Variants in TRAPPC9 observed in about 807,000 individuals in gnomAD.
TRAPPC9 encodes IKK2 binding protein.
TRAPPC9 carries 83 observed loss-of-function variants against 124.0 expected under a neutral mutation model. The observed-to-expected ratio is 0.67, with a 90% CI of 0.56 to 0.80. TRAPPC9 has a LOEUF of 0.80. TRAPPC9 is among the 30% of genes least tolerant of loss of function. The probability of loss-of-function intolerance (pLI) is 0.00; values close to 1 mark genes in which losing one functional copy is unlikely to be tolerated. For synonymous variants in TRAPPC9, 638 were observed against 617.5 expected (o/e 1.03, Z -0.49); for missense variants, 1,302 against 1,508.3 (o/e 0.86, Z 2.27).
intron 21 of TRAPPC9, among the ~76,000 whole-genome samples, chr8:139,818,659 C>A (rs1457556739): frequency 6.6e-6 from 1 of 152,132 alleles, no homozygotes; most frequent in African/African-American, 2.4e-5. Flanking sequence ...TGGGGGTAAC[C>A]TGACTTTTAA....
Position 140,257,157 on chromosome 8 carries a change from T to C in TRAPPC9, c.2279-4228A>G, listed in dbSNP as rs1025318051. ...CTTAGCTCCTCCCAAAATCTCCATA[T>C]GCCAGCATTATCCACATCATATGAA... On this transcript the variant is annotated intron_variant, in intron 15 of 22. Coordinates refer to ENST00000438773, the MANE Select transcript of TRAPPC9 (RefSeq NM_001160372.4). This position sits in a 1 kb window ranked among gnomAD's most constrained non-coding sequence, Gnocchi z 4.6. Among the ~76,000 whole-genome samples, 2 of 152,222 alleles carry C rather than the reference T, an allele frequency of 1.3e-5. No homozygotes were observed. Among genetic ancestry groups the C allele is most frequent in the South Asian group, 4.1e-4 (2 of 4,832 alleles).
rs745501753 is a variant in TRAPPC9 at position 139,896,079 on chromosome 8, T to C, written c.2965-10110A>G. Among the ~76,000 whole-genome samples, 43 of 152,226 alleles carry C rather than the reference T, an allele frequency of 2.8e-4. 1 individual carries two copies. Among genetic ancestry groups the C allele is most frequent in the Admixed American group, 6.5e-5 (1 of 15,278 alleles). On this transcript the variant is annotated intron_variant, in intron 20 of 22. Coordinates refer to ENST00000438773, the MANE Select transcript of TRAPPC9 (RefSeq NM_001160372.4). ...TTGCTTTCGGACATGAGCCATAAAA[T>C]TATACAGCTAAGCTAATAAAGCTAA...
intron 18 of TRAPPC9, among the ~76,000 whole-genome samples, chr8:140,016,145 C>T (rs1414549541): frequency 2.6e-5 from 4 of 152,150 alleles, no homozygotes; most frequent in Non-Finnish European, 5.9e-5. Flanking sequence ...CTCTCTCCAA[C>T]GTATATATAT....
intron 17 of TRAPPC9, among the ~76,000 whole-genome samples, chr8:140,083,908 GC>G (rs1296014623): frequency 2.0e-5 from 3 of 152,032 alleles, no homozygotes; most frequent in South Asian, 2.1e-4. Flanking sequence ...CTCGTGATCC[GC>G]CCGTCTCAGC....
Position 139,742,317 on chromosome 8 carries a change from G to A in TRAPPC9, c.3056-10115C>T, listed in dbSNP as rs979678017. Among the ~76,000 whole-genome samples, 3 of 152,200 alleles carry A rather than the reference G, an allele frequency of 2.0e-5. No individual in the cohort carries two copies. Among genetic ancestry groups the A allele is most frequent in the East Asian group, 1.9e-4 (1 of 5,198 alleles). On this transcript the variant is annotated intron_variant, in intron 21 of 22. Coordinates refer to ENST00000438773, the MANE Select transcript of TRAPPC9 (RefSeq NM_001160372.4). The surrounding 1 kb of genome is among the most constrained non-coding windows in gnomAD (Gnocchi z 4.7). ...CTCCCTGTGCAGACAGCCCAGCTTC[G>A]CCCCACCAGCCTGGGACAGCTGTTT... is the stretch of plus-strand genomic sequence containing the variant.
chr8:140,127,757 G>A (rs917407600), intron 17 of TRAPPC9, among the ~76,000 whole-genome samples: 2 of 152,192 alleles, frequency 1.3e-5, no homozygotes, highest in Non-Finnish European at 2.9e-5. Context: ...ATATCCAAAA[G>A]CATTGCTCCT....
intron 9 of TRAPPC9, among the ~76,000 whole-genome samples, chr8:140,324,870 A>T (rs955147411): frequency 1.3e-5 from 2 of 152,240 alleles, no homozygotes; most frequent in African/African-American, 4.8e-5. Flanking sequence ...TTCAACTGAC[A>T]TTCATACAAC....
chr8:139,937,653 G>GA (rs1833619460), intron 19 of TRAPPC9, among the ~76,000 whole-genome samples: 1 of 152,150 alleles, frequency 6.6e-6, no homozygotes, highest in Non-Finnish European at 1.5e-5. Flanking sequence ...GAAGGGAAGA[G>GA]AATTAGAATG....
In TRAPPC9 at chr8:140,252,989, C is replaced by T; in HGVS notation, c.2279-60G>A. On this transcript the variant is annotated intron_variant, in intron 15 of 22. Transcript: ENST00000438773. The surrounding 1 kb of genome is among the most constrained non-coding windows in gnomAD (Gnocchi z 4.2). ...GTAACTGAGGCAGTATGGGACTTAC[C>T]AATCCCCTAGAAAATTCTGATGCAT... 3.2e-6 allele frequency: 5 copies of T among 1,550,542 alleles called. No individual in the cohort carries two copies. In the South Asian group the frequency reaches 4.5e-5, roughly 14 times the overall value.
intron 19 of TRAPPC9, among the ~76,000 whole-genome samples, chr8:139,965,793 G>GACGCA (rs1587360325): frequency 6.3e-4 from 96 of 152,226 alleles, no homozygotes; most frequent in South Asian, 8.3e-4. Flanking sequence ...GTTGAGCAGA[G>GACGCA]TTGGCTACGT....
At chr8:139,890,715 C>G (rs1391914922) in intron 20 of TRAPPC9, among the ~76,000 whole-genome samples, 1 of 152,146 alleles carries the variant, frequency 6.6e-6, no homozygotes, top group Non-Finnish European at 1.5e-5. Flanking sequence ...GCGATTCAGG[C>G]CCCAAGTGAG....
intron 21 of TRAPPC9, 139 bp from the exon 22 acceptor site, chr8:139,732,341 C>G (rs1817891343): frequency 7.6e-6 from 6 of 787,648 alleles, no homozygotes; most frequent in African/African-American, 1.7e-5. Context: ...AGGCTGGACA[C>G]TGGGGACACA....
chr8:140,414,532 T>G (rs2069832435), intron 5 of TRAPPC9, among the ~76,000 whole-genome samples: 1 of 152,072 alleles, frequency 6.6e-6, no homozygotes, highest in African/African-American at 2.4e-5. Context: ...AGACCCTGTC[T>G]CAAAATAAAT....
intron 21 of TRAPPC9, chr8:139,806,048 G>A (rs1185251507): frequency 3.9e-5 from 6 of 152,240 alleles, no homozygotes; most frequent in Non-Finnish European, 8.8e-5. Context: ...AGTGTAGCTC[G>A]AGAACGGGGC....
chr8:140,131,668 A>G (rs1187555912), intron 17 of TRAPPC9, among the ~76,000 whole-genome samples: 3 of 152,178 alleles, frequency 2.0e-5, no homozygotes, highest in African/African-American at 2.4e-5. Context: ...TCAGGGTTCA[A>G]ACCCAAGACC....
intron 19 of TRAPPC9, among the ~76,000 whole-genome samples, chr8:139,935,925 A>T (rs2131410499): frequency 6.6e-6 from 1 of 152,342 alleles, no homozygotes; most frequent in African/African-American, 2.4e-5. Context: ...GGAGCTGGAA[A>T]TGCAGTGTCA....
intron 20 of TRAPPC9, among the ~76,000 whole-genome samples, chr8:139,889,816 C>A (rs528895691): frequency 1.3e-5 from 2 of 152,324 alleles, no homozygotes; most frequent in East Asian, 1.9e-4. Flanking sequence ...GGACAGCCCC[C>A]CTGCGGCCCC....
intron 9 of TRAPPC9, among the ~76,000 whole-genome samples, chr8:140,314,982 G>A (rs559658851): frequency 6.6e-6 from 1 of 152,276 alleles, no homozygotes; most frequent in South Asian, 2.1e-4. Context: ...TCATACAGTG[G>A]TTCTATTTTT....
At chr8:140,447,635 C>T (rs1422244198) in intron 2 of TRAPPC9, among the ~76,000 whole-genome samples, 2 of 152,136 alleles carry the variant, frequency 1.3e-5, no homozygotes, top group African/African-American at 2.4e-5. Context: ...ACACCTACAC[C>T]TCGTGTACCG....
Sources: allele counts gnomAD v4.1 joint callset (sites outside exome capture counted in the v4.1 genomes callset), GRCh38; gene constraint gnomAD v4.1.1; non-coding constraint Gnocchi (gnomAD v3.1); transcripts MANE v1.5; gene names NCBI Gene and HGNC (gene_info 2026-07-23, HGNC 2026-07-21).